The following PLCXD3 variants were observed in gnomAD, a reference collection of about 807,000 sequenced individuals.
The protein encoded by PLCXD3 is phosphatidylinositol specific phospholipase C X domain containing 3.
A neutral mutation model predicts 25.5 loss-of-function variants in PLCXD3; 19 were observed. The observed-to-expected ratio is 0.75, with a 90% CI of 0.52 to 1.09. The LOEUF is 1.09. PLCXD3 is among the 50% of genes least tolerant of loss of function. PLCXD3 has a pLI of 0.00. For missense variants in PLCXD3, 411 were observed against 388.1 expected (o/e 1.06, Z -0.50); for synonymous variants, 174 against 137.6 (o/e 1.26, Z -1.85).
chr5:41,480,278 C>T (rs552420327), intron 1 of PLCXD3, among the ~76,000 whole-genome samples: 4 of 152,238 alleles, frequency 2.6e-5, no homozygotes, highest in Non-Finnish European at 5.9e-5. Context: ...ACCAATGAGT[C>T]ACCCATTGAG....
chr5:41,488,061 TC>T (rs1748560536), intron 1 of PLCXD3, among the ~76,000 whole-genome samples: 2 of 81,368 alleles, frequency 2.5e-5, no homozygotes, highest in African/African-American at 4.5e-5. Context: ...AAGCTATCCC[TC>T]CCCCCTCCCC....
chr5:41,375,659 G>T (rs1443287088), intron 2 of PLCXD3, among the ~76,000 whole-genome samples: 1 of 152,040 alleles, frequency 6.6e-6, no homozygotes, highest in Non-Finnish European at 1.5e-5. Flanking sequence ...CTTTCTTGAG[G>T]CAAAGCCACA....
intron 1 of PLCXD3, among the ~76,000 whole-genome samples, chr5:41,413,803 A>G (rs1179163122): frequency 6.6e-6 from 1 of 152,176 alleles, no homozygotes; most frequent in African/African-American, 2.4e-5. Context: ...GCACCTTAAA[A>G]TATGACAAAC....
chr5:41,392,355 A>G (rs1221130352), intron 1 of PLCXD3, among the ~76,000 whole-genome samples: 2 of 151,188 alleles, frequency 1.3e-5, no homozygotes, highest in East Asian at 1.9e-4. Flanking sequence ...GAGAGAGAGA[A>G]AGAGAGAGAG....
At chr5:41,485,183 A>G (rs566968281) in intron 1 of PLCXD3, among the ~76,000 whole-genome samples, 19 of 152,312 alleles carry the variant, frequency 1.2e-4, no homozygotes, top group African/African-American at 4.6e-4. Context: ...ATTTTTAGGT[A>G]ATAAAAAAGA....
At chr5:41,338,553 T>G (rs745712976) in intron 2 of PLCXD3, among the ~76,000 whole-genome samples, 17 of 152,082 alleles carry the variant, frequency 1.1e-4, no homozygotes, top group East Asian at 3.9e-4. Flanking sequence ...GGGGCTCAAC[T>G]TGAGCATCCT....
intron 1 of PLCXD3, among the ~76,000 whole-genome samples, chr5:41,450,690 A>G (rs1044215170): frequency 1.3e-5 from 2 of 152,016 alleles, no homozygotes; most frequent in South Asian, 4.1e-4. Flanking sequence ...GTTTCTTATC[A>G]GTGACACATT....
At position 41,425,320 on chromosome 5, in the gene PLCXD3, A is replaced by G. The variant is rs772402106; in HGVS notation, c.104-42786T>C. Among the ~76,000 whole-genome samples the G allele has an allele frequency of 3.4e-4, 52 of 151,820 alleles. 1 individual carries two copies. Among genetic ancestry groups the G allele is most frequent in the South Asian group, 2.1e-4 (1 of 4,826 alleles). On this transcript the variant is annotated intron_variant, in intron 1 of 2. Coordinates refer to ENST00000377801, the MANE Select transcript of PLCXD3 (RefSeq NM_001005473.3). ...TGTCTTTTTTTTTTCTTTCTGGAAT[A>G]GACTTTCAGAACAGTTTTAAGTTTC...
chr5:41,415,120 C>T (rs546412300), intron 1 of PLCXD3, among the ~76,000 whole-genome samples: 1 of 151,960 alleles, frequency 6.6e-6, no homozygotes, highest in East Asian at 1.9e-4. Context: ...GGAATGTATC[C>T]CCTATGGAAA....
chr5:41,497,231 A>T (rs1159095148), intron 1 of PLCXD3, among the ~76,000 whole-genome samples: 2 of 151,888 alleles, frequency 1.3e-5, no homozygotes, highest in Non-Finnish European at 1.5e-5. Flanking sequence ...ACAATTTTTT[A>T]AAAATGTAAT....
At chr5:41,423,385 T>A (rs563528284) in intron 1 of PLCXD3, among the ~76,000 whole-genome samples, 8 of 152,172 alleles carry the variant, frequency 5.3e-5, no homozygotes, top group East Asian at 3.9e-4. Context: ...TTCTATTTTT[T>A]AAAAATATTA....
At chr5:41,403,315 T>C (rs1225734041) in intron 1 of PLCXD3, among the ~76,000 whole-genome samples, 2 of 148,230 alleles carry the variant, frequency 1.3e-5, no homozygotes, top group East Asian at 3.9e-4. Flanking sequence ...CTTTTAATTA[T>C]TTGGAAATAA....
intron 1 of PLCXD3, among the ~76,000 whole-genome samples, chr5:41,497,228 T>C (rs768637696): frequency 8.6e-5 from 13 of 151,882 alleles, no homozygotes; most frequent in Non-Finnish European, 1.6e-4. Context: ...TATACAATTT[T>C]TTAAAAATGT....
At chr5:41,400,240 G>A (rs1746137851) in intron 1 of PLCXD3, among the ~76,000 whole-genome samples, 1 of 152,112 alleles carries the variant, frequency 6.6e-6, no homozygotes, top group South Asian at 2.1e-4. Context: ...CTGTTGGTGG[G>A]AATGTAAATT....
At chr5:41,382,595 T>G in intron 1 of PLCXD3, 61 bp from the exon 2 acceptor site, 1 of 1,303,956 alleles carries the variant, frequency 7.7e-7, no homozygotes, top group Non-Finnish European at 1.0e-6. Flanking sequence ...CCCACCTTCT[T>G]TCCCTCTTGC....
intron 1 of PLCXD3, among the ~76,000 whole-genome samples, chr5:41,449,742 A>G (rs1747584469): frequency 1.3e-5 from 2 of 152,126 alleles, no homozygotes; most frequent in African/African-American, 4.8e-5. Context: ...TGGGATATTC[A>G]TCTACCAATT....
intron 1 of PLCXD3, among the ~76,000 whole-genome samples, chr5:41,493,512 G>A (rs565395589): frequency 1.7e-4 from 26 of 152,354 alleles, no homozygotes; most frequent in Non-Finnish European, 2.8e-4. Context: ...CTGTCTTTTT[G>A]TTTGTCTGTG....
intron 1 of PLCXD3, among the ~76,000 whole-genome samples, chr5:41,495,601 C>G (rs529468418): frequency 1.6e-4 from 24 of 152,252 alleles, no homozygotes; most frequent in Admixed American, 1.4e-3. Context: ...ACTCACAGTA[C>G]AGCAGTCAGG....
intron 1 of PLCXD3, among the ~76,000 whole-genome samples, chr5:41,476,671 CTT>C (rs1348720540): frequency 1.2e-4 from 18 of 152,152 alleles, no homozygotes; most frequent in African/African-American, 4.3e-4. Context: ...TCTTTGTATT[CTT>C]TCACTGTAGT....
Sources: gnomAD v4.1 joint callset for allele counts (sites outside exome capture counted in the v4.1 genomes callset) on GRCh38, gnomAD v4.1.1 for gene constraint, MANE v1.5 for transcripts, NCBI Gene and HGNC (gene_info 2026-07-23, HGNC 2026-07-21) for gene names.